The following EPM2A variants were observed in gnomAD, a reference collection of about 807,000 sequenced individuals.
The protein encoded by EPM2A is EPM2A glucan phosphatase, laforin, also known as laforin.
EPM2A carries 21 observed loss-of-function variants against 26.5 expected under a neutral mutation model. The ratio of observed to expected loss-of-function variants is 0.79; its 90% CI spans 0.56 to 1.14. The LOEUF (loss-of-function observed/expected upper bound fraction) is 1.14. Among genes scored for constraint, EPM2A ranks in the 50% most tolerant of loss-of-function variants. EPM2A has a pLI of 0.00. For missense variants in EPM2A, 458 were observed against 440.8 expected, an observed-to-expected ratio of 1.04 and a Z score of -0.35; for synonymous variants, 217 against 177.6, an observed-to-expected ratio of 1.22 and a Z score of -1.76.
At chr6:145,423,168 T>C (rs1387553495) in intron 4 of EPM2A, among the ~76,000 whole-genome samples, 1 of 152,142 alleles carries the variant, frequency 6.6e-6, no homozygotes, top group Non-Finnish European at 1.5e-5. Context: ...ATATTAATAA[T>C]ATTCAATAGA....
At chr6:145,688,838 C>T (rs1210977025) in intron 1 of EPM2A, among the ~76,000 whole-genome samples, 1 of 152,044 alleles carries the variant, frequency 6.6e-6, no homozygotes, top group African/African-American at 2.4e-5. Context: ...AAAGTGTAAA[C>T]ATAGACTACA....
chr6:145,536,265 GT>G (rs1780429216), intron 2 of EPM2A, among the ~76,000 whole-genome samples: 1 of 144,938 alleles, frequency 6.9e-6, no homozygotes, highest in African/African-American at 2.6e-5. Context: ...TTTTGTTTTT[GT>G]TTTTGTTTTT....
rs1775735585 is a variant in EPM2A, at chr6:145,625,415, C to T, written c.*2001G>A. ...TATTCCAAAACATTCTTTAATAGTC[C>T]TAAACTGATTTTGTCTATCAGAGCA... On this transcript the variant is annotated 3_prime_UTR_variant, in exon 4 of 4. Coordinates refer to ENST00000367519, the MANE Select transcript of EPM2A (RefSeq NM_005670.4). 7.5e-6 allele frequency: 3 copies of T among 400,900 alleles called. No individual in the cohort carries two copies. The highest frequency in any genetic ancestry group is 7.7e-5 in the Admixed American group (2 of 26,108). The allele number at this position is 400,900 out of a possible 1,614,324, so 24.8% of individuals were successfully genotyped here.
rs1775863116 is a variant in EPM2A at position 145,627,077 on chromosome 6, G to C, written c.*339C>G. On this transcript the variant is annotated 3_prime_UTR_variant, in exon 4 of 4. Coordinates refer to ENST00000367519, the MANE Select transcript of EPM2A (RefSeq NM_005670.4). ...AGTTTCAGTGCAACAGGAAAGTGCT[G>C]TCACGGATCCATCGTGCAACACATA... 4 of 1,211,016 alleles carry C rather than the reference G, an allele frequency of 3.3e-6. No individual in the cohort carries two copies. In the South Asian group the frequency reaches 7.2e-5, roughly 22 times the overall value. The allele number at this position is 1,211,016 out of a possible 1,614,324, so 75.0% of individuals were successfully genotyped here.
intron 2 of EPM2A, among the ~76,000 whole-genome samples, chr6:145,565,767 C>T (rs1477822270): frequency 6.6e-6 from 1 of 152,100 alleles, no homozygotes; most frequent in Non-Finnish European, 1.5e-5. Context: ...GATGACTATC[C>T]AACTTCCTTA....
rs1391440565 is a variant in EPM2A, at chr6:145,560,502, G to A, written c.341-57927C>T. On this transcript the variant is annotated intron_variant, in intron 2 of 3. Transcript: ENST00000450221. ...CACAAAAGCAGTATGTAAATAAATA[G>A]GCATGGCTACTTATTTACCAAAATA... Among the ~76,000 whole-genome samples, 4 of 152,068 alleles carry A rather than the reference G, an allele frequency of 2.6e-5. No homozygotes were observed. The East Asian group carries it at 7.7e-4, about 29-fold the overall frequency.
intron 2 of EPM2A, among the ~76,000 whole-genome samples, chr6:145,543,146 G>T (rs1780537477): frequency 6.6e-6 from 1 of 152,062 alleles, no homozygotes; most frequent in South Asian, 2.1e-4. Flanking sequence ...TTAGATTTAT[G>T]AGATTAAAAA....
intron 4 of EPM2A, among the ~76,000 whole-genome samples, chr6:145,430,883 T>C (rs189363017): frequency 9.9e-5 from 15 of 152,234 alleles, no homozygotes; most frequent in Admixed American, 7.2e-4. Flanking sequence ...CAGAAAGATG[T>C]TTTTCAGCAA....
chr6:145,610,679 T>C (rs1044655202), intron 2 of EPM2A, among the ~76,000 whole-genome samples: 1 of 152,242 alleles, frequency 6.6e-6, no homozygotes, highest in Admixed American at 6.5e-5. Context: ...TTTCTCTGTC[T>C]ACATTTCTGA....
chr6:145,698,703 TTG>T (rs946720618), intron 1 of EPM2A, among the ~76,000 whole-genome samples: 1 of 152,164 alleles, frequency 6.6e-6, no homozygotes, highest in Non-Finnish European at 1.5e-5. Context: ...ATGGACTGTA[TTG>T]TGTCTCCCCC....
intron 2 of EPM2A, among the ~76,000 whole-genome samples, chr6:145,610,298 GA>G (rs1455734674): frequency 2.0e-5 from 3 of 152,114 alleles, no homozygotes; most frequent in African/African-American, 7.2e-5. Context: ...TCTCACAAGG[GA>G]ATCTATTTAA....
chr6:145,628,279 A>G (rs995125358), intron 3 of EPM2A: 1 of 154,160 alleles, frequency 6.5e-6, no homozygotes, highest in African/African-American at 2.4e-5. Context: ...TACAATGAAT[A>G]CTAAAACTGA....
At chr6:145,447,474 C>A (rs1264638386) in intron 4 of EPM2A, among the ~76,000 whole-genome samples, 9 of 151,944 alleles carry the variant, frequency 5.9e-5, no homozygotes, top group Non-Finnish European at 1.2e-4. Context: ...GGTGCCTTAC[C>A]TCTAGTTTTC....
chr6:145,668,737 G>T (rs1779423319), intron 2 of EPM2A, among the ~76,000 whole-genome samples: 1 of 152,158 alleles, frequency 6.6e-6, no homozygotes, highest in Non-Finnish European at 1.5e-5. Context: ...GACACTGTGT[G>T]AGATGACTTT....
chr6:145,611,426 G>A (rs1775389436), intron 2 of EPM2A, among the ~76,000 whole-genome samples: 1 of 151,690 alleles, frequency 6.6e-6, no homozygotes, highest in African/African-American at 2.4e-5. Flanking sequence ...ACCTTCCAAA[G>A]ACAGCCATCT....
chr6:145,546,021 C>G (rs974664845), intron 2 of EPM2A, among the ~76,000 whole-genome samples: 3 of 152,110 alleles, frequency 2.0e-5, no homozygotes, highest in Non-Finnish European at 4.4e-5. Context: ...TTTAGAGCAA[C>G]AGAATCAATA....
In EPM2A at chr6:145,735,293, T is replaced by C; in HGVS notation, c.206A>G (p.Glu69Gly). 1.4e-6 allele frequency: 2 copies of C among 1,437,586 alleles called. No individual in the cohort carries two copies. The highest frequency in any genetic ancestry group is 1.8e-6 in the Non-Finnish European group (2 of 1,085,732). 89.1% of individuals were successfully genotyped at this position (1,437,586 alleles called of 1,614,324 possible). A position where few individuals can be genotyped will look rare whatever the true frequency, so the allele number is the denominator to read the frequency against. Residue 69 changes from glutamate (E) to glycine (G), a missense_variant, in exon 1 of 4, where the codon GAG becomes GGG. Glu to Gly is a moderately conservative substitution (Grantham distance 98). Transcript: ENST00000367519. ...LWLGEVELAAEEAAQDGAEPG... is the reference protein window; with the variant it reads ...LWLGEVELAAGEAAQDGAEPG... ...CTCCGCCCCGTCCTGCGCCGCCTCC[T>C]CGGCCGCCAGCTCCACCTCCCCGAG... is the stretch of plus-strand genomic sequence containing the variant.
intron 2 of EPM2A, among the ~76,000 whole-genome samples, chr6:145,540,610 C>T (rs1442252841): frequency 6.6e-6 from 1 of 152,208 alleles, no homozygotes; most frequent in Non-Finnish European, 1.5e-5. Flanking sequence ...ATCTCCAATC[C>T]TAGACTTCTG....
At chr6:145,591,925 C>A (rs1447867105) in intron 2 of EPM2A, among the ~76,000 whole-genome samples, 1 of 151,502 alleles carries the variant, frequency 6.6e-6, no homozygotes, top group East Asian at 1.9e-4. Context: ...TGGGAATATT[C>A]TGTTATAAAA....
Sources: allele counts gnomAD v4.1 joint callset (sites outside exome capture counted in the v4.1 genomes callset), GRCh38; gene constraint gnomAD v4.1.1; transcripts MANE v1.5; gene names NCBI Gene and HGNC (gene_info 2026-07-23, HGNC 2026-07-21).